The following PTPRN2 variants were observed in gnomAD, a reference collection of about 807,000 sequenced individuals.
PTPRN2 encodes the protein protein tyrosine phosphatase receptor type N2.
Under a neutral mutation model 118.8 loss-of-function variants are expected in PTPRN2, and 74 were observed. The ratio of observed to expected loss-of-function variants is 0.62; its 90% confidence interval spans 0.52 to 0.76. The LOEUF is 0.76. Among genes scored for constraint, PTPRN2 ranks in the 30% least tolerant of loss-of-function variants. The probability of loss-of-function intolerance (pLI) is 0.00; values close to 1 mark genes in which losing one functional copy is unlikely to be tolerated. For missense variants in PTPRN2, 1,481 were observed against 1,394.4 expected (o/e 1.06, Z -0.99); for synonymous variants, 641 against 608.0 (o/e 1.05, Z -0.80).
intron 11 of PTPRN2, among the ~76,000 whole-genome samples, chr7:157,942,603 A>G (rs1585058589): frequency 6.6e-6 from 1 of 151,988 alleles, no homozygotes; most frequent in Admixed American, 6.5e-5. Context: ...ATATGACTCC[A>G]CCAGCTCCAG....
chr7:158,460,255 G>A (rs556418916), intron 2 of PTPRN2, among the ~76,000 whole-genome samples: 1 of 148,794 alleles, frequency 6.7e-6, no homozygotes, highest in Non-Finnish European at 1.5e-5. Flanking sequence ...TGTGCCGTCA[G>A]CACAGGAGGG....
At chr7:158,204,231 T>G (rs1325018687) in intron 4 of PTPRN2, among the ~76,000 whole-genome samples, 2 of 139,712 alleles carry the variant, frequency 1.4e-5, no homozygotes, top group Admixed American at 1.4e-4. Flanking sequence ...GCCCTCGGTG[T>G]GCGCCGCTTG....
chr7:158,377,537 G>A (rs1810636706), intron 2 of PTPRN2, among the ~76,000 whole-genome samples: 1 of 152,180 alleles, frequency 6.6e-6, no homozygotes, highest in African/African-American at 2.4e-5. Context: ...CAGCAATGCA[G>A]AGTGCTAGGG....
chr7:158,398,251 G>A (rs964165064), intron 2 of PTPRN2, among the ~76,000 whole-genome samples: 1 of 152,216 alleles, frequency 6.6e-6, no homozygotes, highest in Non-Finnish European at 1.5e-5. Context: ...TCAAAACCAG[G>A]GTGGTAGCAA....
chr7:158,501,884 C>A (rs1822387548), intron 1 of PTPRN2, among the ~76,000 whole-genome samples: 1 of 152,202 alleles, frequency 6.6e-6, no homozygotes, highest in South Asian at 2.1e-4. Flanking sequence ...CCACCAGCAC[C>A]GCGCCCAGCT....
chr7:158,463,066 A>G (rs1290509084), intron 2 of PTPRN2, among the ~76,000 whole-genome samples: 1 of 82,762 alleles, frequency 1.2e-5, no homozygotes, highest in Admixed American at 1.3e-4. Flanking sequence ...TACTAAAACC[A>G]TAAACCCCAA....
Position 158,024,162 on chromosome 7 carries a change from G to A in PTPRN2, c.1723+57136C>T, listed in dbSNP as rs190648623. Among the ~76,000 whole-genome samples, 997 of 152,142 alleles carry A rather than the reference G, an allele frequency of 6.6e-3. 5 individuals are homozygous for A. Among genetic ancestry groups the A allele is most frequent in the Non-Finnish European group, 0.011 (777 of 68,004 alleles). ...GCCCAGTGCACCCCAACAAAGCTCC[G>A]GGATGTTGTGAACATGCCCAGTGCA... On this transcript the variant is annotated intron_variant, in intron 11 of 22. Coordinates refer to ENST00000389418, the MANE Select transcript of PTPRN2 (RefSeq NM_002847.5).
intron 10 of PTPRN2, among the ~76,000 whole-genome samples, chr7:158,089,750 A>AT (rs1813887908): frequency 7.1e-6 from 1 of 141,018 alleles, no homozygotes; most frequent in African/African-American, 2.8e-5. Flanking sequence ...CTTCACACAA[A>AT]CCTTCTTCCC....
chr7:158,581,974 C>A (rs1040689808), intron 1 of PTPRN2, among the ~76,000 whole-genome samples: 8 of 152,196 alleles, frequency 5.3e-5, no homozygotes. Context: ...GGAGCCTCAC[C>A]CATTTTTACT....
intron 1 of PTPRN2, among the ~76,000 whole-genome samples, chr7:158,503,826 C>T (rs1024549131): frequency 6.6e-6 from 1 of 152,034 alleles, no homozygotes; most frequent in South Asian, 2.1e-4. Context: ...CGTGGAGAAA[C>T]CCTGTCTCTA....
chr7:158,454,273 G>A (rs181985543), intron 2 of PTPRN2, among the ~76,000 whole-genome samples: 359 of 147,134 alleles, frequency 2.4e-3, no homozygotes, highest in African/African-American at 8.1e-3. Flanking sequence ...TGAGGATTGG[G>A]GACAGTTGTT....
chr7:158,336,820 G>C (rs71200508), intron 2 of PTPRN2, among the ~76,000 whole-genome samples: 15 of 89,776 alleles, frequency 1.7e-4, no homozygotes, highest in South Asian at 8.6e-4. Context: ...ACCATAAGAA[G>C]TGACACCTGC....
chr7:158,198,934 A>G (rs1585823229), intron 4 of PTPRN2, among the ~76,000 whole-genome samples: 2 of 110,768 alleles, frequency 1.8e-5, no homozygotes, highest in East Asian at 5.6e-4. Context: ...TGTTCTTCTC[A>G]GGTTCTGGCT....
intron 10 of PTPRN2, among the ~76,000 whole-genome samples, chr7:158,100,247 GTGTGTGT>G (rs1815121410): frequency 3.4e-5 from 1 of 29,060 alleles, no homozygotes; most frequent in African/African-American, 1.5e-4. Context: ...TCCATGGGGT[GTGTGTGT>G]GTGTGTGTGT....
chr7:157,944,612 T>C lies in PTPRN2; in HGVS notation c.1724-45875A>G, dbSNP rs1047976049. Among the ~76,000 whole-genome samples, 1 of 152,200 alleles carries C rather than the reference T, an allele frequency of 6.6e-6. No individual in the cohort carries two copies. The highest frequency in any genetic ancestry group is 2.4e-5 in the African/African-American group (1 of 41,444). ...CCCTAGACATGTTGATTAGAAATAG[T>C]CTTAAGAGGGTCAAACTATGTCCAC... On this transcript the variant is annotated intron_variant, in intron 11 of 22. Transcript: ENST00000389418. The surrounding 1 kb of genome is among the most constrained non-coding windows in gnomAD (Gnocchi z 4.3).
At chr7:157,814,713 C>T (rs1806284236) in intron 12 of PTPRN2, among the ~76,000 whole-genome samples, 1 of 152,226 alleles carries the variant, frequency 6.6e-6, no homozygotes, top group Non-Finnish European at 1.5e-5. Context: ...CCCAAATGAA[C>T]ACAGAGTGAT....
Position 157,652,955 on chromosome 7 carries a change from C to T in PTPRN2, c.2196+3402G>A, listed in dbSNP as rs550833490. Among the ~76,000 whole-genome samples the T allele has an allele frequency of 5.9e-5, 9 of 152,296 alleles. No homozygotes were observed. In the South Asian group the frequency reaches 1.5e-3, roughly 25 times the overall value. On this transcript the variant is annotated intron_variant, in intron 14 of 22. Transcript: ENST00000389418. ...CTCCAGTGGGTAGAGTGCCCCAGGG[C>T]GGGAGGGGGCTCTCGGGGCCAGGAG...
At chr7:158,330,757 C>G (rs1364427845) in intron 2 of PTPRN2, among the ~76,000 whole-genome samples, 17 of 116,154 alleles carry the variant, frequency 1.5e-4, no homozygotes, top group African/African-American at 2.6e-4. Context: ...ACACTCTCAC[C>G]ATAAGAGCTG....
At position 158,261,667 on chromosome 7, in the gene PTPRN2, C is replaced by G. The variant is rs1324879197; in HGVS notation, c.277+55152G>C. ...AACAGCAGGGTGCACTCCGGGACCG[C>G]AGGCTCCCCCCAGCACACATGGGTC... On this transcript the variant is annotated intron_variant, in intron 3 of 22. Coordinates refer to ENST00000389418, the MANE Select transcript of PTPRN2 (RefSeq NM_002847.5). 2.0e-5 allele frequency among the ~76,000 whole-genome samples: 3 copies of G among 152,136 alleles called. No individual in the cohort carries two copies. In the East Asian group the frequency reaches 5.8e-4, roughly 29 times the overall value.
Sources: allele counts gnomAD v4.1 joint callset (sites outside exome capture counted in the v4.1 genomes callset), GRCh38; gene constraint gnomAD v4.1.1; non-coding constraint Gnocchi (gnomAD v3.1); transcripts MANE v1.5; gene names NCBI Gene and HGNC (gene_info 2026-07-23, HGNC 2026-07-21).